ZNF385B: variants seen among roughly 807,000 people sequenced by gnomAD.
The protein encoded by ZNF385B is zinc finger protein 533.
ZNF385B carries 23 observed loss-of-function variants against 39.2 expected under a neutral mutation model. The observed-to-expected ratio is 0.59, with a 90% CI of 0.42 to 0.83. ZNF385B has a LOEUF of 0.83. Among genes scored for constraint, ZNF385B ranks in the 40% least tolerant of loss-of-function variants. The pLI is 0.00. For missense variants in ZNF385B, 552 were observed against 598.9 expected (o/e 0.92, Z 0.82); for synonymous variants, 205 against 222.6 (o/e 0.92, Z 0.70).
chr2:179,474,260 T>G (rs1329278838), intron 6 of ZNF385B, among the ~76,000 whole-genome samples: 1 of 152,114 alleles, frequency 6.6e-6, no homozygotes, highest in East Asian at 1.9e-4. Context: ...CATCCAGATG[T>G]AGTGAGTATA....
At chr2:179,722,263 A>G (rs939079161) in intron 3 of ZNF385B, among the ~76,000 whole-genome samples, 1 of 152,154 alleles carries the variant, frequency 6.6e-6, no homozygotes, top group Non-Finnish European at 1.5e-5. Context: ...CAACATTTGC[A>G]TGGAAAAGCA....
At chr2:179,760,223 C>CGTGTGTGCGT (rs1703295465) in intron 3 of ZNF385B, among the ~76,000 whole-genome samples, 6 of 144,476 alleles carry the variant, frequency 4.2e-5, no homozygotes, top group African/African-American at 1.3e-4. Context: ...TTCCTGTGTG[C>CGTGTGTGCGT]GTGTGTGTGT....
At chr2:179,522,182 T>G (rs987806663) in intron 4 of ZNF385B, among the ~76,000 whole-genome samples, 1 of 152,232 alleles carries the variant, frequency 6.6e-6, no homozygotes, top group African/African-American at 2.4e-5. Flanking sequence ...TCGAGTCATT[T>G]CAATGGGATC....
intron 3 of ZNF385B, among the ~76,000 whole-genome samples, chr2:179,718,396 C>T (rs1414937940): frequency 6.8e-6 from 1 of 147,720 alleles, no homozygotes; most frequent in Non-Finnish European, 1.5e-5. Flanking sequence ...TATAATCCTA[C>T]ATATAATCAT....
intron 3 of ZNF385B, chr2:179,637,298 C>G (rs1691851342): frequency 6.6e-6 from 1 of 152,098 alleles, no homozygotes; most frequent in Non-Finnish European, 1.5e-5. Context: ...GATAGCCTGC[C>G]CTAGGACCAG....
Position 179,727,932 on chromosome 2 carries a change from G to A in ZNF385B, c.298+41571C>T, listed in dbSNP as rs115485421. Among the ~76,000 whole-genome samples the A allele has an allele frequency of 7.1e-3, 1,081 of 152,144 alleles. 11 individuals are homozygous for A. The highest frequency in any genetic ancestry group is 0.024 in the African/African-American group (978 of 41,540). On this transcript the variant is annotated intron_variant, in intron 3 of 9. Transcript: ENST00000410066. ...TTTTTGTGAAGTCTATAAAAAGAAT[G>A]TTTAATAGTAAAATGCATGAATATT...
intron 1 of ZNF385B, among the ~76,000 whole-genome samples, chr2:179,845,133 TCAG>T (rs1292353875): frequency 6.6e-6 from 1 of 152,172 alleles, no homozygotes; most frequent in Non-Finnish European, 1.5e-5. Flanking sequence ...CTTAAGATGA[TCAG>T]AAGAATAAAC....
At chr2:179,786,320 T>C (rs1009792267) in intron 1 of ZNF385B, among the ~76,000 whole-genome samples, 1 of 152,156 alleles carries the variant, frequency 6.6e-6, no homozygotes, top group Non-Finnish European at 1.5e-5. Context: ...TATTGCTGTA[T>C]TTTTAGAGTA....
chr2:179,558,469 CAG>C (rs767018053), intron 3 of ZNF385B, among the ~76,000 whole-genome samples: 4 of 152,122 alleles, frequency 2.6e-5, no homozygotes, highest in Non-Finnish European at 5.9e-5. Flanking sequence ...TTTGAGAAAA[CAG>C]AGTTAATATT....
chr2:179,659,230 T>A (rs1168793326), intron 3 of ZNF385B, among the ~76,000 whole-genome samples: 1 of 152,192 alleles, frequency 6.6e-6, no homozygotes, highest in East Asian at 1.9e-4. Flanking sequence ...TAGCCTTTAT[T>A]AACTGGAAAA....
intron 3 of ZNF385B, among the ~76,000 whole-genome samples, chr2:179,601,917 T>C (rs144336883): frequency 6.6e-6 from 1 of 152,294 alleles, no homozygotes; most frequent in African/African-American, 2.4e-5. Flanking sequence ...CTTTTCACTA[T>C]GACAAGCTCT....
At chr2:179,840,740 A>C (rs1462819907) in intron 1 of ZNF385B, among the ~76,000 whole-genome samples, 1 of 152,230 alleles carries the variant, frequency 6.6e-6, no homozygotes, top group Admixed American at 6.5e-5. Context: ...TCTAACTTTT[A>C]ATATCTCGAG....
chr2:179,626,502 C>T (rs1171298498), intron 3 of ZNF385B, among the ~76,000 whole-genome samples: 1 of 151,968 alleles, frequency 6.6e-6, no homozygotes, highest in Non-Finnish European at 1.5e-5. Context: ...AGTTGTATTC[C>T]CAGTAGGAAC....
At chr2:179,503,692 T>C (rs1202877745) in intron 5 of ZNF385B, among the ~76,000 whole-genome samples, 1 of 152,088 alleles carries the variant, frequency 6.6e-6, no homozygotes, top group East Asian at 1.9e-4. Context: ...GTGTTCTCAT[T>C]GTTCAATTCC....
chr2:179,822,387 A>T (rs925461050), intron 1 of ZNF385B, among the ~76,000 whole-genome samples: 3 of 152,268 alleles, frequency 2.0e-5, no homozygotes. Flanking sequence ...GTACTTTAAC[A>T]TTCAAAAATA....
chr2:179,627,331 C>T (rs749191203), intron 3 of ZNF385B, among the ~76,000 whole-genome samples: 4 of 152,072 alleles, frequency 2.6e-5, no homozygotes, highest in South Asian at 2.1e-4. Context: ...AGAGAAGAAA[C>T]GATATTAGCA....
intron 3 of ZNF385B, among the ~76,000 whole-genome samples, chr2:179,720,633 C>G (rs1309670327): frequency 6.6e-6 from 1 of 151,948 alleles, no homozygotes; most frequent in African/African-American, 2.4e-5. Context: ...TTATCTCTAT[C>G]AGCATAAATG....
intron 1 of ZNF385B, among the ~76,000 whole-genome samples, chr2:179,771,196 C>T (rs1559179933): frequency 6.6e-6 from 1 of 152,080 alleles, no homozygotes; most frequent in Non-Finnish European, 1.5e-5. Context: ...TGGCTTTCAA[C>T]AGTCCTTTTG....
intron 3 of ZNF385B, chr2:179,583,864 C>G: frequency 7.8e-7 from 1 of 1,280,640 alleles, no homozygotes; most frequent in African/African-American, 1.5e-5. Flanking sequence ...AACCTCAGAT[C>G]TTACTGCCCT....
Sources: allele counts gnomAD v4.1 joint callset (sites outside exome capture counted in the v4.1 genomes callset), GRCh38; gene constraint gnomAD v4.1.1; transcripts MANE v1.5; gene names NCBI Gene and HGNC (gene_info 2026-07-23, HGNC 2026-07-21).